The following LRMDA variants were observed in gnomAD, a reference collection of about 807,000 sequenced individuals.
LRMDA encodes leucine-rich melanocyte differentiation-associated protein.
In LRMDA, 18 loss-of-function variants were observed where a neutral mutation model predicts 29.8. The ratio of observed to expected loss-of-function variants is 0.60; its 90% CI spans 0.42 to 0.90. The LOEUF (loss-of-function observed/expected upper bound fraction) is 0.90, where lower values mean the gene tolerates loss of function less well. Among genes scored for constraint, LRMDA ranks in the 40% least tolerant of loss-of-function variants. LRMDA has a pLI of 0.00. For synonymous variants in LRMDA, 125 were observed against 109.4 expected, an observed-to-expected ratio of 1.14 and a Z score of -0.89; for missense variants, 273 against 273.9, an observed-to-expected ratio of 1.00 and a Z score of 0.02.
At chr10:76,437,853 CA>C (rs1842260728) in intron 6 of LRMDA, among the ~76,000 whole-genome samples, 2 of 152,198 alleles carry the variant, frequency 1.3e-5, no homozygotes, top group South Asian at 4.1e-4. Context: ...TCCTCTGAGC[CA>C]GTCCTTCGCC....
At chr10:76,539,837 T>G (rs1050607264) in intron 6 of LRMDA, among the ~76,000 whole-genome samples, 1 of 152,176 alleles carries the variant, frequency 6.6e-6, no homozygotes, top group African/African-American at 2.4e-5. Context: ...GTTGAAAGCC[T>G]GTGAAACATG....
chr10:76,559,288 C>T lies in LRMDA; in HGVS notation c.*2000C>T, dbSNP rs1300575945. 1 of 152,152 alleles carries T rather than the reference C, an allele frequency of 6.6e-6. No individual in the cohort carries two copies. The highest frequency in any genetic ancestry group is 6.5e-5 in the Admixed American group (1 of 15,276). The allele number at this position is 152,152 out of a possible 1,614,324, so 9.4% of individuals were successfully genotyped here. On this transcript the variant is annotated 3_prime_UTR_variant, in exon 7 of 7. Coordinates refer to ENST00000611255, the MANE Select transcript of LRMDA (RefSeq NM_001305581.2). ...TTTTTAATGTCAGAACCATTTGTAT[C>T]ATGCGCAGGAATGTCTCCCTCAATG...
intron 5 of LRMDA, among the ~76,000 whole-genome samples, chr10:76,096,946 T>G (rs2132097588): frequency 6.6e-6 from 1 of 152,250 alleles, no homozygotes; most frequent in South Asian, 2.1e-4. Flanking sequence ...TCTGAGTGAT[T>G]TTGTAAATTG....
intron 2 of LRMDA, among the ~76,000 whole-genome samples, chr10:75,527,450 T>C (rs1192251596): frequency 6.6e-6 from 1 of 152,052 alleles, no homozygotes; most frequent in Non-Finnish European, 1.5e-5. Flanking sequence ...GTTTAATTTG[T>C]TGAGGAACTG....
chr10:75,500,261 T>C (rs1845096743), intron 2 of LRMDA, among the ~76,000 whole-genome samples: 1 of 152,160 alleles, frequency 6.6e-6, no homozygotes, highest in Admixed American at 6.5e-5. Flanking sequence ...GCCCTTCTAA[T>C]GGTAACTCTT....
intron 6 of LRMDA, among the ~76,000 whole-genome samples, chr10:76,477,335 A>G: frequency 6.6e-6 from 1 of 152,146 alleles, no homozygotes; most frequent in East Asian, 1.9e-4. Flanking sequence ...CTAGGAATCC[A>G]GCTTACAAGG....
At chr10:76,184,188 A>G (rs1589367272) in intron 5 of LRMDA, among the ~76,000 whole-genome samples, 1 of 151,634 alleles carries the variant, frequency 6.6e-6, no homozygotes, top group East Asian at 2.0e-4. Context: ...GCACCACCAC[A>G]TCTGGCTAAT....
At chr10:75,702,482 G>C (rs1265996513) in intron 2 of LRMDA, among the ~76,000 whole-genome samples, 1 of 152,140 alleles carries the variant, frequency 6.6e-6, no homozygotes, top group Non-Finnish European at 1.5e-5. Context: ...TGCGGGTATT[G>C]GGTCTCCTTT....
At chr10:76,467,905 G>A (rs1564549815) in intron 6 of LRMDA, among the ~76,000 whole-genome samples, 1 of 152,104 alleles carries the variant, frequency 6.6e-6, no homozygotes, top group Non-Finnish European at 1.5e-5. Context: ...ACTGGTTTCT[G>A]GTGCTGGGTA....
chr10:75,532,056 G>GAAAAAAAAAA (rs60697116), intron 2 of LRMDA, among the ~76,000 whole-genome samples: 16 of 95,388 alleles, frequency 1.7e-4, no homozygotes, highest in African/African-American at 5.2e-4. Context: ...AAGAAAGAAA[G>GAAAAAAAAAA]AAAAAAAAAA....
chr10:75,928,490 G>T (rs1846157411), intron 2 of LRMDA, among the ~76,000 whole-genome samples: 1 of 152,078 alleles, frequency 6.6e-6, no homozygotes, highest in Non-Finnish European at 1.5e-5. Flanking sequence ...TATTACCTCA[G>T]CAGTATCTGA....
intron 5 of LRMDA, among the ~76,000 whole-genome samples, chr10:76,154,453 A>T (rs943997811): frequency 2.0e-5 from 3 of 152,242 alleles, no homozygotes; most frequent in Non-Finnish European, 2.9e-5. Context: ...AATACAATAT[A>T]AAAGATGACT....
chr10:76,221,667 C>G (rs1851841200), intron 5 of LRMDA, among the ~76,000 whole-genome samples: 1 of 152,146 alleles, frequency 6.6e-6, no homozygotes, highest in African/African-American at 2.4e-5. Flanking sequence ...TAGGAAGAAT[C>G]AATATCATGA....
At chr10:75,450,077 G>T (rs1047796748) in intron 2 of LRMDA, 1 of 152,098 alleles carries the variant, frequency 6.6e-6, no homozygotes, top group Non-Finnish European at 1.5e-5. Context: ...TTTTTGCTGG[G>T]TGTCTGTGTT....
intron 5 of LRMDA, among the ~76,000 whole-genome samples, chr10:76,154,210 A>G (rs2132169286): frequency 6.6e-6 from 1 of 152,290 alleles, no homozygotes; most frequent in South Asian, 2.1e-4. Context: ...TCTGATGGAT[A>G]CATCCTGTTT....
intron 2 of LRMDA, among the ~76,000 whole-genome samples, chr10:75,920,502 A>G (rs1027406861): frequency 6.6e-6 from 1 of 152,186 alleles, no homozygotes; most frequent in African/African-American, 2.4e-5. Context: ...GGAGTCTAAA[A>G]GTTTGTCTGA....
At chr10:76,465,611 C>A (rs997867377) in intron 6 of LRMDA, among the ~76,000 whole-genome samples, 1 of 152,110 alleles carries the variant, frequency 6.6e-6, no homozygotes, top group Non-Finnish European at 1.5e-5. Context: ...TGGACACTAG[C>A]GTATGAGTTA....
chr10:75,978,767 G>T (rs1028221622), intron 2 of LRMDA, among the ~76,000 whole-genome samples: 6 of 152,130 alleles, frequency 3.9e-5, no homozygotes, highest in Non-Finnish European at 7.4e-5. Flanking sequence ...ATAATTTTTT[G>T]TATGCAACCA....
intron 5 of LRMDA, among the ~76,000 whole-genome samples, chr10:76,217,164 A>T (rs982916955): frequency 6.6e-6 from 1 of 152,178 alleles, no homozygotes; most frequent in African/African-American, 2.4e-5. Context: ...ATGTGTATGT[A>T]TCGATACAAA....
Sources: gnomAD v4.1 joint callset for allele counts (sites outside exome capture counted in the v4.1 genomes callset) on GRCh38, gnomAD v4.1.1 for gene constraint, MANE v1.5 for transcripts, NCBI Gene and HGNC (gene_info 2026-07-23, HGNC 2026-07-21) for gene names.